The following DMBT1 variants were observed in gnomAD, a reference collection of about 807,000 sequenced individuals.
The protein encoded by DMBT1 is scavenger receptor cysteine-rich domain-containing protein DMBT1.
Under a neutral mutation model 252.9 loss-of-function variants are expected in DMBT1, and 198 were observed. The observed-to-expected ratio is 0.78, with a 90% CI of 0.70 to 0.88. DMBT1 has a LOEUF of 0.88. Among genes scored for constraint, DMBT1 ranks in the 40% least tolerant of loss-of-function variants. The pLI, the probability that DMBT1 is intolerant of heterozygous loss-of-function variation, is 0.00. For synonymous variants in DMBT1, 990 were observed against 942.7 expected (o/e 1.05, Z -0.92); for missense variants, 2,432 against 2,404.7 (o/e 1.01, Z -0.24).
rs192809736 is a variant in DMBT1 at position 122,591,137 on chromosome 10, T to C, written c.2138-342T>C. 1.1e-4 allele frequency among the ~76,000 whole-genome samples: 16 copies of C among 148,904 alleles called. 2 individuals carry two copies. The highest frequency in any genetic ancestry group is 2.0e-4 in the Admixed American group (3 of 14,990). ...CTTTATACTCCCTTAGGCAGCTCCC[T>C]GATCCTTCTAACATTTTAGTTTCAA... On this transcript the variant is annotated intron_variant, in intron 18 of 55. Coordinates refer to ENST00000338354, the MANE Select transcript of DMBT1 (RefSeq NM_001377530.1).
In DMBT1 at chr10:122,633,350, G is replaced by A; in HGVS notation, c.6548+9G>A. On this transcript the variant is annotated intron_variant, in intron 52 of 55. Transcript: ENST00000338354. Reference sequence around the variant, plus strand: ...ATCTTCAGAGATGTCCAGTAAGTGTGCGCCCAGAAGAATGCCTTGGGGCCC... The same window carrying A: ...ATCTTCAGAGATGTCCAGTAAGTGTACGCCCAGAAGAATGCCTTGGGGCCC... 6.2e-7 allele frequency: 1 copy of A among 1,613,674 alleles called. No homozygotes were observed. Among genetic ancestry groups the A allele is most frequent in the East Asian group, 2.2e-5 (1 of 44,842 alleles).
At chr10:122,577,899 C>G in intron 8 of DMBT1, 59 bp downstream of exon 8, 1 of 1,576,576 alleles carries the variant, frequency 6.3e-7, no homozygotes, top group Non-Finnish European at 8.7e-7. Flanking sequence ...GTTACCCCTT[C>G]CCTACTCCAC....
chr10:122,629,319 G>T (rs564219453), intron 46 of DMBT1, among the ~76,000 whole-genome samples: 27 of 152,322 alleles, frequency 1.8e-4, no homozygotes, highest in African/African-American at 6.3e-4. Context: ...CCAGATCATG[G>T]AGCTGATAGA....
chr10:122,641,772 G>T (rs1188921837), intron 55 of DMBT1, among the ~76,000 whole-genome samples: 1 of 152,160 alleles, frequency 6.6e-6, no homozygotes, highest in Non-Finnish European at 1.5e-5. Flanking sequence ...GGAAGACGGG[G>T]ATGTGTGTGC....
intron 45 of DMBT1, among the ~76,000 whole-genome samples, chr10:122,625,506 C>T (rs972069548): frequency 2.0e-5 from 3 of 152,222 alleles, no homozygotes; most frequent in Admixed American, 6.5e-5. Context: ...CCTGTGGCCT[C>T]CTGCTATTGC....
At chr10:122,565,871 TG>T in intron 1 of DMBT1, 95 bp from the exon 2 acceptor site, 1 of 1,206,540 alleles carries the variant, frequency 8.3e-7, no homozygotes, top group Non-Finnish European at 1.2e-6. Flanking sequence ...CAGCGCCCTC[TG>T]GTGTGATTGT....
intron 41 of DMBT1, among the ~76,000 whole-genome samples, chr10:122,618,620 C>T (rs1304750490): frequency 6.6e-6 from 1 of 152,204 alleles, no homozygotes; most frequent in African/African-American, 2.4e-5. Flanking sequence ...TGCTGGCTCC[C>T]CACGGCTCCA....
chr10:122,640,071 T>C lies in DMBT1; in HGVS notation c.6974T>C (p.Phe2325Ser). Reference sequence around the variant, plus strand: ...AATGACACCATCGACTATTCCAACTTCCTCACAGCAGCTGTCTCAGGTGGC... The same window carrying C: ...AATGACACCATCGACTATTCCAACTCCCTCACAGCAGCTGTCTCAGGTGGC... ...ADNDTIDYSN[F>S]LTAAVSGGII... is the part of the protein sequence containing the mutation. The change falls in exon 55 of 56, where the codon TTC (phenylalanine) becomes TCC (serine). Residue 2325 changes from phenylalanine (F) to serine (S), a missense_variant. By Grantham distance (155) the Phe-to-Ser change is radical. Transcript: ENST00000338354. 6.2e-7 allele frequency: 1 copy of C among 1,613,898 alleles called. No individual in the cohort carries two copies. The highest frequency in any genetic ancestry group is 8.5e-7 in the Non-Finnish European group (1 of 1,179,866).
intron 46 of DMBT1, among the ~76,000 whole-genome samples, chr10:122,628,030 G>A (rs1167008906): frequency 1.3e-5 from 2 of 152,218 alleles, no homozygotes; most frequent in Non-Finnish European, 2.9e-5. Context: ...AAGTGTTGAT[G>A]AGGATGTGGA....
chr10:122,637,291 A>G lies in DMBT1; in HGVS notation c.6921A>G (p.Ser2307=), dbSNP rs2098234557. Residue 2307 remains serine, a synonymous_variant, in exon 54 of 56, where the codon TCA becomes TCG. Transcript: ENST00000338354. ...TGGTGATATTCACAATTCCCTACTC[A>G]GGCTGCGGCACCTTCAAGCAGGTAA... ...PNLVIFTIPY[S]GCGTFKQADN... The G allele has an allele frequency of 1.2e-6, 2 of 1,611,248 alleles. No homozygotes were observed. The highest frequency in any genetic ancestry group is 2.7e-5 in the African/African-American group (2 of 75,024).
chr10:122,619,495 C>T (rs1203946204), intron 42 of DMBT1, among the ~76,000 whole-genome samples, 158 bp downstream of exon 42: 1 of 152,222 alleles, frequency 6.6e-6, no homozygotes, highest in Non-Finnish European at 1.5e-5. Flanking sequence ...CATAGTGCTT[C>T]AACAGACATA....
At chr10:122,566,245 G>T (rs563252127) in intron 2 of DMBT1, among the ~76,000 whole-genome samples, 1 of 152,330 alleles carries the variant, frequency 6.6e-6, no homozygotes, top group Admixed American at 6.5e-5. Context: ...TATCAGATGA[G>T]GTTAGTTTCA....
chr10:122,569,603 A>G (rs2097642056), intron 2 of DMBT1, among the ~76,000 whole-genome samples: 1 of 152,212 alleles, frequency 6.6e-6, no homozygotes, highest in African/African-American at 2.4e-5. Context: ...TGCCGTATGG[A>G]CTGGACTGAG....
Position 122,596,901 on chromosome 10 carries a change from C to T in DMBT1, c.2888-124C>T, listed in dbSNP as rs1476006906. ...CTCTGTGGGGACATGCATGGCAATGCCCTCCCTCTGTGATGGGGACCTAGG... is the reference window on the plus strand; with the variant it reads ...CTCTGTGGGGACATGCATGGCAATGTCCTCCCTCTGTGATGGGGACCTAGG... On this transcript the variant is annotated intron_variant, in intron 23 of 55. Transcript: ENST00000338354. The T allele has an allele frequency of 3.0e-3, 777 of 256,650 alleles. 2 individuals are homozygous for T. The highest frequency in any genetic ancestry group is 4.5e-3 in the Non-Finnish European group (695 of 155,500). The allele number at this position is 256,650 out of a possible 1,614,324, so 15.9% of individuals were successfully genotyped here.
Position 122,619,314 on chromosome 10 carries a change from A to C in DMBT1, c.5222A>C (p.Gln1741Pro), listed in dbSNP as rs1394375900. 1 of 1,613,936 alleles carries C rather than the reference A, an allele frequency of 6.2e-7. No homozygotes were observed. The highest frequency in any genetic ancestry group is 1.1e-5 in the South Asian group (1 of 91,086). ...TCTCTTCTCTTTCTCACAGCTGCTC[A>C]GTCCCAGTCAACGCCCAGGCCAGGT... is the stretch of plus-strand genomic sequence containing the variant. ...EDAGVICSAA[Q>P]SQSTPRPDTW... is the part of the protein sequence containing the mutation. Residue 1741 changes from glutamine to proline, a missense_variant, in exon 42 of 56, where the codon CAG becomes CCG. Physicochemically the swap from Gln to Pro is moderately conservative, Grantham distance 76 (BLOSUM62 -1). Transcript: ENST00000338354.
At chr10:122,586,644 G>A (rs1241237235) in intron 16 of DMBT1, among the ~76,000 whole-genome samples, 1 of 148,262 alleles carries the variant, frequency 6.7e-6, no homozygotes, top group South Asian at 2.3e-4. Flanking sequence ...GGGAGAAGAC[G>A]AAAGCGCCGG....
In DMBT1 at chr10:122,598,832, A is replaced by G; in HGVS notation, c.3015A>G (p.Arg1005=). ...LVNGGDRCQG[R]VEVLYQGSWG... ...ATGGAGGTGACAGGTGTCAGGGCCG[A>G]GTGGAGGTCCTATACCAAGGCTCCT... The change falls in exon 26 of 56, where the codon CGA becomes CGG. Residue 1005 remains arginine (R), a synonymous_variant. Coordinates refer to ENST00000338354, the MANE Select transcript of DMBT1 (RefSeq NM_001377530.1). The G allele has an allele frequency of 6.2e-7, 1 of 1,613,636 alleles. No individual in the cohort carries two copies. The highest frequency in any genetic ancestry group is 8.5e-7 in the Non-Finnish European group (1 of 1,179,750).
In DMBT1 at chr10:122,592,532, C is replaced by T. The variant is rs970799156; in HGVS notation, c.2437C>T (p.Pro813Ser). 2 of 1,588,032 alleles carry T rather than the reference C, an allele frequency of 1.3e-6. No individual in the cohort carries two copies. Among genetic ancestry groups the T allele is most frequent in the Admixed American group, 1.7e-5 (1 of 59,506 alleles). Residue 813 changes from proline to serine, a missense_variant, in exon 20 of 56, where the codon CCC becomes TCC. By Grantham distance (74) the Pro-to-Ser change is moderately conservative (BLOSUM62 -1). Coordinates refer to ENST00000338354, the MANE Select transcript of DMBT1 (RefSeq NM_001377530.1). The stretch of plus-strand genomic sequence containing the variant: ...ACACGAGTCCTACCTGTGGAGCTGC[C>T]CCCACAATGGCTGGCTCTCCCACAA... ...SGHESYLWSCPHNGWLSHNCG... is the reference protein window; with the variant it reads ...SGHESYLWSCSHNGWLSHNCG...
chr10:122,591,491 C>A lies in DMBT1; in HGVS notation c.2150C>A (p.Thr717Asn). The change falls in exon 19 of 56, where the codon ACC becomes AAC. Residue 717 changes from threonine (T) to asparagine (N), a missense_variant. By Grantham distance (65) the Thr-to-Asn change is moderately conservative. Transcript: ENST00000338354. ...RSTPRPDTLS[T>N]ITLPPSTVGS... ...TTGCAATTTACAGACACGTTGTCGA[C>A]CATCACGTTACCTCCATCGACAGTA... 1 of 1,587,716 alleles carries A rather than the reference C, an allele frequency of 6.3e-7. No individual in the cohort carries two copies. Among genetic ancestry groups the A allele is most frequent in the Non-Finnish European group, 8.6e-7 (1 of 1,165,142 alleles).
Sources: allele counts gnomAD v4.1 joint callset (sites outside exome capture counted in the v4.1 genomes callset), GRCh38; gene constraint gnomAD v4.1.1; transcripts MANE v1.5; gene names NCBI Gene and HGNC (gene_info 2026-07-23, HGNC 2026-07-21).